ASIC4: variants seen among roughly 807,000 people sequenced by gnomAD.
The protein encoded by ASIC4 is acid-sensing ion channel 4.
In ASIC4, 28 loss-of-function variants were observed where a neutral mutation model predicts 53.4. The ratio of observed to expected loss-of-function variants is 0.52; its 90% CI spans 0.39 to 0.72. ASIC4 has a LOEUF of 0.72. Ranked by LOEUF, ASIC4 falls within the 30% of genes least tolerant of loss-of-function variation. ASIC4 has a pLI of 0.00. For synonymous variants in ASIC4, 289 were observed against 301.4 expected (o/e 0.96, Z 0.43); for missense variants, 649 against 729.7 (o/e 0.89, Z 1.27).
rs1373576151 is a variant in ASIC4 at position 219,518,891 on chromosome 2, G to A, written c.582+3585G>A. On this transcript the variant is annotated intron_variant, in intron 1 of 9. Transcript: ENST00000358078. This position sits in a 1 kb window ranked among gnomAD's most constrained non-coding sequence, Gnocchi z 4.8. ...AAGCCAAAAAGCTTCTGTGAGCATC[G>A]GTTTGTGTATTCTTTTTTTTGTTTG... 1.3e-5 allele frequency among the ~76,000 whole-genome samples: 2 copies of A among 152,110 alleles called. No homozygotes were observed. The highest frequency in any genetic ancestry group is 2.9e-5 in the Non-Finnish European group (2 of 68,024).
chr2:219,511,770 G>T (rs1022432473), upstream of ASIC4, among the ~76,000 whole-genome samples: 5 of 152,026 alleles, frequency 3.3e-5, no homozygotes, highest in Non-Finnish European at 5.9e-5. The surrounding 1 kb of genome is among the most constrained non-coding windows in gnomAD (Gnocchi z 5.3). Context: ...GGGTGGGGGT[G>T]GGGAAGAAGC....
In ASIC4 at chr2:219,537,686, A is replaced by G. The variant is rs748632439; in HGVS notation, c.1456A>G (p.Thr486Ala). Residue 486 changes from threonine to alanine, a missense_variant, in exon 9 of 10, where the codon ACC becomes GCC. Thr to Ala is a moderately conservative substitution (Grantham distance 58). Coordinates refer to ENST00000358078, the MANE Select transcript of ASIC4 (RefSeq NM_018674.6). This position sits in a 1 kb window ranked among gnomAD's most constrained non-coding sequence, Gnocchi z 4.9. The stretch of plus-strand genomic sequence containing the variant: ...GAGGCGTCCCAAGACCCCCCTGCGG[A>G]CCTCCACTGGGGGCATCTCCACTTT... The part of the protein sequence containing the change: ...VWRRPKTPLR[T>A]STGGISTLGL... 3.3e-5 allele frequency: 53 copies of G among 1,613,870 alleles called. 1 individual carries two copies. In the South Asian group the frequency reaches 5.8e-4, roughly 18 times the overall value.
At chr2:219,535,545 TGTGA>T (rs72523909) in intron 6 of ASIC4, among the ~76,000 whole-genome samples, 31,814 of 151,510 alleles carry the variant, frequency 0.21, 3,734 homozygotes, top group Non-Finnish European at 0.27. Context: ...CTTGTGGGTG[TGTGA>T]GTGTGTGATG....
intron 4 of ASIC4, 94 bp downstream of exon 4, chr2:219,532,571 CATGTATACA>C: frequency 1.4e-6 from 2 of 1,477,386 alleles, no homozygotes; most frequent in Non-Finnish European, 1.8e-6. Flanking sequence ...CAGGCAGGTG[CATGTATACA>C]ACATGTGTAT....
chr2:219,537,915 C>T lies in ASIC4; in HGVS notation c.1507-18C>T. 6.3e-7 allele frequency: 1 copy of T among 1,584,662 alleles called. No individual in the cohort carries two copies. The highest frequency in any genetic ancestry group is 8.6e-7 in the Non-Finnish European group (1 of 1,162,686). ...TTGAGCTCTCCCGGTCCCACTCTCTCTTTTCTTTCTCCTGCAGAGTCCCTG... is the reference window on the plus strand; with the variant it reads ...TTGAGCTCTCCCGGTCCCACTCTCTTTTTTCTTTCTCCTGCAGAGTCCCTG... On this transcript the variant is annotated intron_variant, in intron 9 of 9. Transcript: ENST00000358078. This position sits in a 1 kb window ranked among gnomAD's most constrained non-coding sequence, Gnocchi z 4.9.
At chr2:219,510,251 C>T (rs1694684256), upstream of ASIC4, among the ~76,000 whole-genome samples, 1 of 151,842 alleles carries the variant, frequency 6.6e-6, no homozygotes, top group Non-Finnish European at 1.5e-5. This position sits in a 1 kb window ranked among gnomAD's most constrained non-coding sequence, Gnocchi z 5.2. Context: ...TCTAATCCCT[C>T]CTGCTGCTGT....
In ASIC4 at chr2:219,536,174, T is replaced by C. The variant is rs887153068; in HGVS notation, c.1229+850T>C. Among the ~76,000 whole-genome samples the C allele has an allele frequency of 2.0e-5, 3 of 152,198 alleles. No homozygotes were observed. The highest frequency in any genetic ancestry group is 2.0e-4 in the Admixed American group (3 of 15,284). The stretch of plus-strand genomic sequence containing the variant: ...CAGGTCCAAACACCTTTCATCTGAG[T>C]TCCCAGCACCCGTACAGATCTCTGT... On this transcript the variant is annotated intron_variant, in intron 6 of 9. Transcript: ENST00000358078. The surrounding 1 kb of genome is among the most constrained non-coding windows in gnomAD (Gnocchi z 4.6).
At chr2:219,519,403 C>T (rs931686773) in intron 1 of ASIC4, among the ~76,000 whole-genome samples, 1 of 152,210 alleles carries the variant, frequency 6.6e-6, no homozygotes, top group Non-Finnish European at 1.5e-5. Context: ...CATTACTCTC[C>T]ATTACCTAGT....
At chr2:219,512,596 G>A (rs1333391105), upstream of ASIC4, among the ~76,000 whole-genome samples, 1 of 152,284 alleles carries the variant, frequency 6.6e-6, no homozygotes, top group South Asian at 2.1e-4. Context: ...CATAGGAGGC[G>A]GCTGCCTGGG....
At position 219,537,887 on chromosome 2, in the gene ASIC4, C is replaced by G. The variant is rs1245802452; in HGVS notation, c.1507-46C>G. The stretch of plus-strand genomic sequence containing the variant: ...CTGGCGGTGTGAGCCCTGGGGGCAC[C>G]ACTTGAGCTCTCCCGGTCCCACTCT... On this transcript the variant is annotated intron_variant, in intron 9 of 9. Coordinates refer to ENST00000358078, the MANE Select transcript of ASIC4 (RefSeq NM_018674.6). The surrounding 1 kb of genome is among the most constrained non-coding windows in gnomAD (Gnocchi z 4.9). 7.2e-6 allele frequency: 11 copies of G among 1,524,530 alleles called. No individual in the cohort carries two copies. The highest frequency in any genetic ancestry group is 9.8e-6 in the Non-Finnish European group (11 of 1,118,262). The allele number at this position is 1,524,530 out of a possible 1,614,324, so 94.4% of individuals were successfully genotyped here.
Position 219,528,444 on chromosome 2 carries a change from C to G in ASIC4, c.583-3314C>G, listed in dbSNP as rs141947900. ...TTCACCATATTGGCCAGGCTGGTCTCAAACTCCTGACCTTGTGATCTGCCC... is the reference window on the plus strand; with the variant it reads ...TTCACCATATTGGCCAGGCTGGTCTGAAACTCCTGACCTTGTGATCTGCCC... On this transcript the variant is annotated intron_variant, in intron 1 of 9. Transcript: ENST00000358078. Among the ~76,000 whole-genome samples, 1,132 of 152,092 alleles carry G rather than the reference C, an allele frequency of 7.4e-3. 18 individuals carry two copies. The highest frequency in any genetic ancestry group is 0.025 in the African/African-American group (1,052 of 41,496).
intron 4 of ASIC4, 57 bp from the exon 5 acceptor site, chr2:219,532,826 G>T (rs889339525): frequency 6.6e-7 from 1 of 1,515,374 alleles, no homozygotes; most frequent in African/African-American, 1.4e-5. Flanking sequence ...ACATTTGGGC[G>T]TGTGGGGGAC....
intron 1 of ASIC4, among the ~76,000 whole-genome samples, chr2:219,530,131 G>A (rs970754613): frequency 6.6e-6 from 1 of 152,186 alleles, no homozygotes; most frequent in Admixed American, 6.5e-5. Context: ...GGGGGAGCGG[G>A]AGAGAGTGAT....
intron 1 of ASIC4, among the ~76,000 whole-genome samples, chr2:219,523,301 C>G (rs1426251159): frequency 6.6e-6 from 1 of 152,198 alleles, no homozygotes; most frequent in African/African-American, 2.4e-5. Context: ...ACCTGGGTCC[C>G]GGAGGCCTTC....
rs146100568 is a variant in ASIC4 at position 219,521,402 on chromosome 2, C to T, written c.582+6096C>T. On this transcript the variant is annotated intron_variant, in intron 1 of 9. Transcript: ENST00000358078. ...CCCTCTGATCCTCCCTCTGTCTCCCCTGCCCGCACTCCTTCCTGGACCCCC... is the reference window on the plus strand; with the variant it reads ...CCCTCTGATCCTCCCTCTGTCTCCCTTGCCCGCACTCCTTCCTGGACCCCC... Among the ~76,000 whole-genome samples, 1,095 of 152,370 alleles carry T rather than the reference C, an allele frequency of 7.2e-3. 14 individuals are homozygous for T. The highest frequency in any genetic ancestry group is 0.025 in the African/African-American group (1,034 of 41,586).
chr2:219,526,199 G>C (rs1694959469), intron 1 of ASIC4, among the ~76,000 whole-genome samples: 1 of 152,222 alleles, frequency 6.6e-6, no homozygotes, highest in Non-Finnish European at 1.5e-5. Context: ...CGAGGGCTGA[G>C]AGAAGCCACT....
chr2:219,520,111 C>G (rs1286509186), intron 1 of ASIC4, among the ~76,000 whole-genome samples: 1 of 152,058 alleles, frequency 6.6e-6, no homozygotes. Context: ...AGCCTGGGGC[C>G]CTGTGGGCGC....
In ASIC4 at chr2:219,537,098, A is replaced by AG; in HGVS notation, c.1264dup (p.Ala422GlyfsTer5). 1 of 1,614,028 alleles carries AG rather than the reference A, an allele frequency of 6.2e-7. No homozygotes were observed. Among genetic ancestry groups the AG allele is most frequent in the South Asian group, 1.1e-5 (1 of 91,072 alleles). ...TTCCTGGTCCTAGATGTCTTCTTTG[A>AG]GGCCCTGACCTCTGAAGCCATGGAG... On this transcript the variant is annotated frameshift_variant, in exon 7 of 10. Coordinates refer to ENST00000358078, the MANE Select transcript of ASIC4 (RefSeq NM_018674.6). LOFTEE classifies it high-confidence loss of function. This position sits in a 1 kb window ranked among gnomAD's most constrained non-coding sequence, Gnocchi z 4.9.
the ASIC4 span, among the ~76,000 whole-genome samples, chr2:219,507,278 C>T: frequency 4.3e-3 from 661 of 152,270 alleles, 3 homozygotes; most frequent in Non-Finnish European, 5.6e-3. Context: ...GCAAGGATTC[C>T]GAAGGGAAGG....
Sources: allele counts gnomAD v4.1 joint callset (sites outside exome capture counted in the v4.1 genomes callset), GRCh38; gene constraint gnomAD v4.1.1; non-coding constraint Gnocchi (gnomAD v3.1); transcripts MANE v1.5; gene names NCBI Gene and HGNC (gene_info 2026-07-23, HGNC 2026-07-21).